The following SNX10 variants were observed in gnomAD, a reference collection of about 807,000 sequenced individuals.
SNX10 encodes the protein sorting nexin 10, also known as sorting nexin-10.
Under a neutral mutation model 28.5 loss-of-function variants are expected in SNX10, and 25 were observed. That is an observed-to-expected ratio of 0.88 (90% CI 0.64 to 1.22). The LOEUF is 1.22. Ranked by LOEUF, SNX10 falls within the 50% of genes most tolerant of loss-of-function variation. The pLI is 0.00. For synonymous variants in SNX10, 62 were observed against 81.4 expected, an observed-to-expected ratio of 0.76 and a Z score of 1.28; for missense variants, 223 against 242.6, an observed-to-expected ratio of 0.92 and a Z score of 0.54.
Position 26,294,027 on chromosome 7 carries a change from G to A in SNX10, c.-24+1941G>A, listed in dbSNP as rs545205865. Reference sequence around the variant, plus strand: ...CTGGGGAAAATAACTTCTTTTTTCCGTTTTTAGTGACAGGGCTGTGGTTTC... The same window carrying A: ...CTGGGGAAAATAACTTCTTTTTTCCATTTTTAGTGACAGGGCTGTGGTTTC... On this transcript the variant is annotated intron_variant, in intron 1 of 6. Transcript: ENST00000338523. Among the ~76,000 whole-genome samples the A allele has an allele frequency of 2.6e-5, 4 of 152,016 alleles. No individual in the cohort carries two copies. The South Asian group carries it at 6.2e-4, about 24-fold the overall frequency.
intron 2 of SNX10, 174 bp from the exon 3 acceptor site, chr7:26,360,801 A>G: frequency 2.2e-5 from 22 of 984,862 alleles, no homozygotes; most frequent in Non-Finnish European, 2.7e-5. Context: ...TGTGTTCTAG[A>G]TTTGCTCGTG....
chr7:26,332,735 G>T (rs1239214318), intron 1 of SNX10, among the ~76,000 whole-genome samples: 1 of 152,130 alleles, frequency 6.6e-6, no homozygotes, highest in Non-Finnish European at 1.5e-5. Context: ...TCCATTTTCA[G>T]TCAATATTTG....
intron 1 of SNX10, among the ~76,000 whole-genome samples, chr7:26,335,113 A>G (rs1787875096): frequency 6.6e-6 from 1 of 152,232 alleles, no homozygotes; most frequent in Admixed American, 6.5e-5. Context: ...GAGATGCTGG[A>G]CACGGAAGCC....
intron 1 of SNX10, among the ~76,000 whole-genome samples, chr7:26,299,853 G>C (rs1401835528): frequency 6.6e-6 from 1 of 152,142 alleles, no homozygotes; most frequent in African/African-American, 2.4e-5. Context: ...CTTGAGCCTG[G>C]GAATTTGAGA....
chr7:26,297,855 A>G (rs1348897154), intron 1 of SNX10, among the ~76,000 whole-genome samples: 1 of 152,140 alleles, frequency 6.6e-6, no homozygotes, highest in Admixed American at 6.6e-5. Flanking sequence ...GCTTATGGAT[A>G]TTATATATAT....
At chr7:26,307,053 C>T (rs1475668936) in intron 1 of SNX10, among the ~76,000 whole-genome samples, 2 of 152,194 alleles carry the variant, frequency 1.3e-5, no homozygotes, top group African/African-American at 4.8e-5. Context: ...CTAAACTGCT[C>T]CTCAGCAGTG....
At position 26,362,984 on chromosome 7, in the gene SNX10, C is replaced by G. The variant is rs79227327; in HGVS notation, c.112-1551C>G. Among the ~76,000 whole-genome samples, 867 of 152,196 alleles carry G rather than the reference C, an allele frequency of 5.7e-3. 8 individuals carry two copies. Among genetic ancestry groups the G allele is most frequent in the African/African-American group, 0.02 (830 of 41,520 alleles). On this transcript the variant is annotated intron_variant, in intron 3 of 6. Transcript: ENST00000338523. Reference sequence around the variant, plus strand: ...TTAAAGGGAATTTAAATGGACCCAGCCTGTGTGTGAGATGTCAGGAATCCC... The same window carrying G: ...TTAAAGGGAATTTAAATGGACCCAGGCTGTGTGTGAGATGTCAGGAATCCC...
At chr7:26,332,984 G>T (rs1379796748) in intron 1 of SNX10, among the ~76,000 whole-genome samples, 1 of 152,162 alleles carries the variant, frequency 6.6e-6, no homozygotes, top group African/African-American at 2.4e-5. Context: ...TTGCTTTGTA[G>T]TAAGTTGAAA....
chr7:26,351,114 T>C lies in SNX10; in HGVS notation c.24+4648T>C, dbSNP rs1262226181. 3.3e-5 allele frequency among the ~76,000 whole-genome samples: 5 copies of C among 152,326 alleles called. No homozygotes were observed. In the East Asian group the frequency reaches 7.7e-4, roughly 23 times the overall value. On this transcript the variant is annotated intron_variant, in intron 2 of 6. Coordinates refer to ENST00000338523, the MANE Select transcript of SNX10 (RefSeq NM_013322.3). The stretch of plus-strand genomic sequence containing the variant: ...AATTGAGATCATACAGAATTTATAG[T>C]TTAATATCTCACTCTTCCAGCTCAG...
At chr7:26,358,805 G>GTGTTTTTTT (rs1788936953) in intron 2 of SNX10, among the ~76,000 whole-genome samples, 1 of 100,112 alleles carries the variant, frequency 1.0e-5, no homozygotes, top group African/African-American at 4.4e-5. Context: ...GTTATCTTGT[G>GTGTTTTTTT]TTTTTTTTTT....
chr7:26,314,681 T>C (rs556591443), intron 1 of SNX10, among the ~76,000 whole-genome samples: 7 of 152,150 alleles, frequency 4.6e-5, no homozygotes, highest in Non-Finnish European at 7.3e-5. Flanking sequence ...GTGAACTGCA[T>C]GGGATTCTGC....
At chr7:26,298,479 T>C (rs1432911955) in intron 1 of SNX10, among the ~76,000 whole-genome samples, 1 of 152,220 alleles carries the variant, frequency 6.6e-6, no homozygotes, top group African/African-American at 2.4e-5. Context: ...ATTGTCACTA[T>C]ATATGGCGGA....
intron 2 of SNX10, chr7:26,357,018 T>C (rs1788849755): frequency 8.7e-7 from 1 of 1,147,052 alleles, no homozygotes; most frequent in Non-Finnish European, 1.1e-6. Flanking sequence ...CATTTATTTA[T>C]TCATTAAATG....
At chr7:26,322,863 GTC>G (rs1157437947) in intron 1 of SNX10, among the ~76,000 whole-genome samples, 2 of 152,094 alleles carry the variant, frequency 1.3e-5, no homozygotes, top group Admixed American at 1.3e-4. Flanking sequence ...AAAAGCAAAT[GTC>G]TCTACCCTCT....
At chr7:26,305,463 G>T (rs769848066) in intron 1 of SNX10, among the ~76,000 whole-genome samples, 3 of 152,186 alleles carry the variant, frequency 2.0e-5, no homozygotes, top group Non-Finnish European at 4.4e-5. Flanking sequence ...AAGAGCTGGG[G>T]AGAAGATGTG....
intron 1 of SNX10, among the ~76,000 whole-genome samples, chr7:26,301,161 C>T (rs190392791): frequency 3.3e-5 from 5 of 152,116 alleles, no homozygotes; most frequent in Admixed American, 3.3e-4. Context: ...CCAAATCCCC[C>T]CAAAAACCAC....
chr7:26,299,248 T>C (rs1584084913), intron 1 of SNX10, among the ~76,000 whole-genome samples: 1 of 151,674 alleles, frequency 6.6e-6, no homozygotes, highest in African/African-American at 2.4e-5. Context: ...CAGGCTGGAG[T>C]GCGGTGGTGC....
rs918664220 is a variant in SNX10, at chr7:26,331,231, G to A, written c.-23-15189G>A. ...TGGGTTAGGCTTCGGGTTTCAGGTA[G>A]CATGTTTTTAAAACAGCTTTATTGA... On this transcript the variant is annotated intron_variant, in intron 1 of 6. Coordinates refer to ENST00000338523, the MANE Select transcript of SNX10 (RefSeq NM_013322.3). Among the ~76,000 whole-genome samples the A allele has an allele frequency of 8.6e-5, 13 of 151,958 alleles. No individual in the cohort carries two copies. The East Asian group carries it at 2.3e-3, about 27-fold the overall frequency.
At chr7:26,319,059 G>T (rs1486216938) in intron 1 of SNX10, among the ~76,000 whole-genome samples, 1 of 152,194 alleles carries the variant, frequency 6.6e-6, no homozygotes, top group Non-Finnish European at 1.5e-5. Flanking sequence ...TATTGGAGAT[G>T]ATCAAACCCC....
Sources: gnomAD v4.1 joint callset for allele counts (sites outside exome capture counted in the v4.1 genomes callset) on GRCh38, gnomAD v4.1.1 for gene constraint, MANE v1.5 for transcripts, NCBI Gene and HGNC (gene_info 2026-07-23, HGNC 2026-07-21) for gene names.